The following KLF7 variants were observed in gnomAD, a reference collection of about 807,000 sequenced individuals.
The protein encoded by KLF7 is KLF transcription factor 7.
KLF7 carries 2 observed loss-of-function variants against 27.3 expected under a neutral mutation model. The ratio of observed to expected loss-of-function variants is 0.07; its 90% CI spans 0.03 to 0.23. The LOEUF is 0.23. Among genes scored for constraint, KLF7 ranks in the 10% least tolerant of loss-of-function variants. The probability of loss-of-function intolerance (pLI) is 1.00; values close to 1 mark genes in which losing one functional copy is unlikely to be tolerated. For synonymous variants in KLF7, 165 were observed against 162.4 expected, an observed-to-expected ratio of 1.02 and a Z score of -0.12; for missense variants, 221 against 394.1, an observed-to-expected ratio of 0.56 and a Z score of 3.72.
At chr2:207,145,320 C>T (rs1298223562) in intron 1 of KLF7, among the ~76,000 whole-genome samples, 1 of 152,156 alleles carries the variant, frequency 6.6e-6, no homozygotes, top group African/African-American at 2.4e-5. Flanking sequence ...TACAAATACA[C>T]TAAGAAAGAA....
chr2:207,153,731 T>C (rs2078308928), intron 1 of KLF7, among the ~76,000 whole-genome samples: 1 of 151,900 alleles, frequency 6.6e-6, no homozygotes, highest in African/African-American at 2.4e-5. Flanking sequence ...GAGAGAAAGA[T>C]GAGAACATCC....
Position 207,165,646 on chromosome 2 carries a change from G to T in KLF7, c.-78C>A. ...GGGCTGTTTGTTTGTCAGTCTGTCT[G>T]GCTCACCCCCCAAGAAGGCAGACAT... On this transcript the variant is annotated 5_prime_UTR_variant, in exon 1 of 4. Coordinates refer to ENST00000309446, the MANE Select transcript of KLF7 (RefSeq NM_003709.4). The T allele has an allele frequency of 1.3e-6, 2 of 1,599,732 alleles. No individual in the cohort carries two copies.
chr2:207,166,274 G>C, upstream of KLF7: 1 of 772,486 alleles, frequency 1.3e-6, no homozygotes, highest in African/African-American at 1.9e-5. Context: ...CTTGGCCCTG[G>C]CGGCGGGCGC....
intron 1 of KLF7, among the ~76,000 whole-genome samples, chr2:207,156,271 A>G (rs1467792417): frequency 6.6e-6 from 1 of 152,214 alleles, no homozygotes; most frequent in Non-Finnish European, 1.5e-5. Context: ...TTACCACAGG[A>G]GCTAAGCCTT....
At chr2:207,101,542 T>A (rs1312403509) in intron 2 of KLF7, among the ~76,000 whole-genome samples, 2 of 152,150 alleles carry the variant, frequency 1.3e-5, no homozygotes, top group Non-Finnish European at 2.9e-5. Context: ...TGGTTTATCA[T>A]CCTGAGGTCA....
At chr2:207,096,313 G>A (rs571624247) in intron 2 of KLF7, among the ~76,000 whole-genome samples, 2 of 152,268 alleles carry the variant, frequency 1.3e-5, no homozygotes, top group East Asian at 3.9e-4. Context: ...TTCACCAAAT[G>A]CAACCAACAG....
intron 2 of KLF7, among the ~76,000 whole-genome samples, chr2:207,112,127 T>C (rs1468871936): frequency 9.9e-6 from 1 of 101,172 alleles, no homozygotes; most frequent in Non-Finnish European, 2.1e-5. Flanking sequence ...TTCTGACTTC[T>C]GATGGTTCTT....
chr2:207,152,680 C>T (rs568197254), intron 1 of KLF7, among the ~76,000 whole-genome samples: 4 of 152,192 alleles, frequency 2.6e-5, no homozygotes, highest in African/African-American at 9.6e-5. Flanking sequence ...GAATCCCAAA[C>T]AAAGACACTC....
intron 2 of KLF7, among the ~76,000 whole-genome samples, chr2:207,089,053 C>T (rs1177939161): frequency 6.6e-6 from 1 of 152,190 alleles, no homozygotes; most frequent in Non-Finnish European, 1.5e-5. Context: ...TCCCTCCTAC[C>T]ACAAGCTGCA....
At chr2:207,089,895 T>A (rs1169604000) in intron 2 of KLF7, among the ~76,000 whole-genome samples, 2 of 152,126 alleles carry the variant, frequency 1.3e-5, no homozygotes, top group Non-Finnish European at 2.9e-5. Context: ...TACTATGGCA[T>A]CCCATTATTT....
chr2:207,095,039 T>TG (rs2076595300), intron 2 of KLF7, among the ~76,000 whole-genome samples: 1 of 131,482 alleles, frequency 7.6e-6, no homozygotes, highest in Non-Finnish European at 1.6e-5. Context: ...TTCTTTTTTT[T>TG]TTTTTTTTTT....
At chr2:207,118,881 G>A (rs966318063) in intron 2 of KLF7, among the ~76,000 whole-genome samples, 4 of 152,096 alleles carry the variant, frequency 2.6e-5, no homozygotes, top group South Asian at 2.1e-4. Flanking sequence ...ATGCTACACT[G>A]GTCTTTTTGT....
chr2:207,142,999 G>C (rs891877199), intron 1 of KLF7, among the ~76,000 whole-genome samples: 1 of 152,196 alleles, frequency 6.6e-6, no homozygotes, highest in Admixed American at 6.5e-5. Flanking sequence ...CCCAGTAGCC[G>C]TATTAATGTT....
intron 2 of KLF7, among the ~76,000 whole-genome samples, chr2:207,116,493 A>G (rs530011370): frequency 2.0e-5 from 3 of 152,238 alleles, no homozygotes; most frequent in Non-Finnish European, 4.4e-5. Context: ...GGAAACATAG[A>G]AAATCCCTGC....
At chr2:207,102,552 CA>C (rs1411325855) in intron 2 of KLF7, among the ~76,000 whole-genome samples, 1 of 152,110 alleles carries the variant, frequency 6.6e-6, no homozygotes, top group Non-Finnish European at 1.5e-5. Context: ...GAACTTAAGC[CA>C]TTCCACAGAA....
upstream of KLF7, among the ~76,000 whole-genome samples, chr2:207,170,558 A>G (rs953012260): frequency 2.6e-5 from 4 of 152,192 alleles, no homozygotes; most frequent in Admixed American, 6.5e-5. Context: ...TCTGGCTTCA[A>G]AACTTCAAAG....
intron 3 of KLF7, among the ~76,000 whole-genome samples, chr2:207,087,572 GT>G (rs1196323310): frequency 2.0e-5 from 3 of 152,076 alleles, no homozygotes; most frequent in Non-Finnish European, 2.9e-5. Context: ...GGCTTTTATC[GT>G]ATTAGAAGCA....
chr2:207,081,388 G>A, intron 3 of KLF7, 124 bp from the exon 4 acceptor site: 2 of 862,594 alleles, frequency 2.3e-6, no homozygotes, highest in Non-Finnish European at 3.9e-6. Flanking sequence ...GAGAAACAGG[G>A]CCATGTGTTG....
rs1473086845 is a variant in KLF7 at position 207,079,281 on chromosome 2, G to C, written c.*1932C>G. On this transcript the variant is annotated 3_prime_UTR_variant, in exon 4 of 4. Transcript: ENST00000309446. ...GCTGAAAACCCAGATCTTGAAGGTTGCTGTCATATATGTGTTTGTGTTTCT... is the reference window on the plus strand; with the variant it reads ...GCTGAAAACCCAGATCTTGAAGGTTCCTGTCATATATGTGTTTGTGTTTCT... The C allele has an allele frequency of 6.6e-6, 1 of 152,118 alleles. No homozygotes were observed. The highest frequency in any genetic ancestry group is 1.5e-5 in the Non-Finnish European group (1 of 68,022). The allele number at this position is 152,118 out of a possible 1,614,324, so 9.4% of individuals were successfully genotyped here. A position where few individuals can be genotyped will look rare whatever the true frequency, so the allele number is the denominator to read the frequency against.
Sources: gnomAD v4.1 joint callset for allele counts (sites outside exome capture counted in the v4.1 genomes callset) on GRCh38, gnomAD v4.1.1 for gene constraint, MANE v1.5 for transcripts, NCBI Gene and HGNC (gene_info 2026-07-23, HGNC 2026-07-21) for gene names.